AGAP4: variants seen among roughly 807,000 people sequenced by gnomAD.
The protein encoded by AGAP4 is arf-GAP with GTPase, ANK repeat and PH domain-containing protein 4.
In AGAP4, 13 loss-of-function variants were observed where a neutral mutation model predicts 60.7. The observed-to-expected ratio is 0.21, with a 90% confidence interval of 0.14 to 0.34. AGAP4 has a LOEUF of 0.34. AGAP4 is among the 10% of genes least tolerant of loss of function. The probability of loss-of-function intolerance (pLI) is 1.00; values close to 1 mark genes in which losing one functional copy is unlikely to be tolerated. For synonymous variants in AGAP4, 70 were observed against 339.0 expected, an observed-to-expected ratio of 0.21 and a Z score of 8.72; for missense variants, 169 against 884.0, an observed-to-expected ratio of 0.19 and a Z score of 10.26.
At position 45,847,466 on chromosome 10, in the gene AGAP4, C is replaced by T. The variant is rs1293758691; in HGVS notation, c.-119G>A. On this transcript the variant is annotated 5_prime_UTR_variant, in exon 1 of 8. Transcript: ENST00000616763. ...CAGAGATGGTCTTCCCGCTCCTCGC[C>T]TGCCCACCTCACAGCGCGGCCCCGG... 56 of 1,531,228 alleles carry T rather than the reference C, an allele frequency of 3.7e-5. 1 individual carries two copies. The African/African-American group carries it at 6.7e-4, about 18-fold the overall frequency. The allele number at this position is 1,531,228 out of a possible 1,614,324, so 94.9% of individuals were successfully genotyped here.
intron 4 of AGAP4, among the ~76,000 whole-genome samples, chr10:45,841,299 A>G (rs1272755425): frequency 2.0e-5 from 3 of 147,310 alleles, no homozygotes; most frequent in African/African-American, 5.0e-5. Flanking sequence ...ACAGAATTTC[A>G]CCATGTTGGT....
At chr10:45,843,162 T>C (rs1228751451) in intron 3 of AGAP4, among the ~76,000 whole-genome samples, 1 of 118,338 alleles carries the variant, frequency 8.5e-6, no homozygotes, top group Non-Finnish European at 1.7e-5. Context: ...CCAGGTGTTA[T>C]GGTGCCCACC....
chr10:45,853,822 AT>A, exon 1 of AGAP4: 1 of 1,285,186 alleles, frequency 7.8e-7, no homozygotes, highest in Non-Finnish European at 1.0e-6. Flanking sequence ...TGGTTTTATG[AT>A]CCTCTGCAGA....
upstream of AGAP4, among the ~76,000 whole-genome samples, chr10:45,849,924 A>T (rs2059062446): frequency 1.3e-5 from 2 of 150,242 alleles, no homozygotes; most frequent in South Asian, 2.1e-4. Context: ...GTATATTTTT[A>T]AAAGAATTTT....
upstream of AGAP4, among the ~76,000 whole-genome samples, chr10:45,852,212 G>T (rs564654048): frequency 2.2e-5 from 2 of 89,744 alleles, no homozygotes; most frequent in South Asian, 4.4e-4. Context: ...CACCCGGCCA[G>T]ACTTTAAAAA....
chr10:45,841,321 C>G (rs1409911845), intron 4 of AGAP4, among the ~76,000 whole-genome samples: 3 of 148,904 alleles, frequency 2.0e-5, no homozygotes, highest in Non-Finnish European at 4.5e-5. Flanking sequence ...AGGGTTGTCT[C>G]AAATTCCTGA....
chr10:45,830,381 G>A (rs1336160323), intron 6 of AGAP4, among the ~76,000 whole-genome samples: 3 of 131,966 alleles, frequency 2.3e-5, no homozygotes, highest in Non-Finnish European at 5.0e-5. Context: ...CATGTTGGTC[G>A]GGCTGGTCTC....
upstream of AGAP4, chr10:45,847,565 C>T (rs1372517017): frequency 2.8e-6 from 4 of 1,439,182 alleles, no homozygotes; most frequent in African/African-American, 6.0e-5. Context: ...CCTGCTGCCT[C>T]CCCTGAGTTG....
At chr10:45,843,296 C>CCAA (rs2058949189) in intron 3 of AGAP4, among the ~76,000 whole-genome samples, 1 of 1,898 alleles carries the variant, frequency 5.3e-4, no homozygotes, top group African/African-American at 7.0e-4. Flanking sequence ...GACTCCATTT[C>CCAA]AAAAAAAAAA....
rs1263503220 is a variant in AGAP4 at position 45,841,128 on chromosome 10, A to C, written c.396+525T>G. On this transcript the variant is annotated intron_variant, in intron 4 of 7. Transcript: ENST00000616763. ...AATTTTTTTTTTTTTTTTGAGACAGAGTTTTGCTCTGTCGTCCAGGCTGGA... is the reference window on the plus strand; with the variant it reads ...AATTTTTTTTTTTTTTTTGAGACAGCGTTTTGCTCTGTCGTCCAGGCTGGA... Among the ~76,000 whole-genome samples, 2 of 89,698 alleles carry C rather than the reference A, an allele frequency of 2.2e-5. 1 individual carries two copies. Among genetic ancestry groups the C allele is most frequent in the African/African-American group, 9.6e-5 (2 of 20,824 alleles). 58.8% of individuals were successfully genotyped at this position (89,698 alleles called of 152,430 possible).
intron 6 of AGAP4, among the ~76,000 whole-genome samples, chr10:45,828,686 CTTTTTTTTTTTTTTTTTT>C (rs1229743163): frequency 2.9e-4 from 12 of 41,358 alleles, no homozygotes; most frequent in Non-Finnish European, 5.1e-4. Context: ...CATAACTGTT[CTTTTTTTTTTTTTTTTTT>C]TTTTTTTTTG....
At chr10:45,838,314 G>A (rs1160020951) in intron 4 of AGAP4, among the ~76,000 whole-genome samples, 736 of 146,662 alleles carry the variant, frequency 5.0e-3, no homozygotes, top group African/African-American at 0.019. Flanking sequence ...GGAGGGTGAG[G>A]GATAAAAGAC....
chr10:45,829,126 TGGG>T (rs2058691455), intron 6 of AGAP4, among the ~76,000 whole-genome samples: 1 of 72,648 alleles, frequency 1.4e-5, no homozygotes, highest in Non-Finnish European at 2.6e-5. Flanking sequence ...AAAGCAAAAG[TGGG>T]TACAATGGCT....
At chr10:45,841,837 T>A (rs2058924222) in intron 3 of AGAP4, 150 bp from the exon 4 acceptor site, 1 of 664,296 alleles carries the variant, frequency 1.5e-6, no homozygotes, top group Non-Finnish European at 2.3e-6. Context: ...TTAAATTATC[T>A]GGCATGATTA....
At chr10:45,851,900 CTTTAT>C (rs2059087940), upstream of AGAP4, among the ~76,000 whole-genome samples, 1 of 148,470 alleles carries the variant, frequency 6.7e-6, no homozygotes, top group African/African-American at 2.5e-5. Flanking sequence ...TTTTGATGAC[CTTTAT>C]TTTAACAGAC....
chr10:45,837,705 C>A (rs1436510694), intron 4 of AGAP4, among the ~76,000 whole-genome samples: 1 of 151,480 alleles, frequency 6.6e-6, no homozygotes, highest in Non-Finnish European at 1.5e-5. Flanking sequence ...TCTCAGCTTA[C>A]ACAAAAATCA....
chr10:45,837,328 C>G (rs1163014964), intron 4 of AGAP4, among the ~76,000 whole-genome samples: 1 of 145,132 alleles, frequency 6.9e-6, no homozygotes, highest in African/African-American at 2.7e-5. Flanking sequence ...CAACTCCCAT[C>G]AAAATACCAC....
chr10:45,853,927 A>C (rs1419648410), upstream of AGAP4: 36 of 1,179,114 alleles, frequency 3.1e-5, no homozygotes, highest in South Asian at 5.4e-4. Flanking sequence ...GTTATCACGT[A>C]AGTTCATTCA....
intron 4 of AGAP4, among the ~76,000 whole-genome samples, chr10:45,839,339 A>G (rs1554898379): frequency 8.1e-6 from 1 of 123,448 alleles, no homozygotes. Context: ...TGAAAAAAAA[A>G]AAAAAGCCAG....
Sources: gnomAD v4.1 joint callset for allele counts (sites outside exome capture counted in the v4.1 genomes callset) on GRCh38, gnomAD v4.1.1 for gene constraint, MANE v1.5 for transcripts, NCBI Gene and HGNC (gene_info 2026-07-23, HGNC 2026-07-21) for gene names.